Variants in GTF2H1 observed in about 807,000 individuals in gnomAD.
The protein encoded by GTF2H1 is general transcription factor IIH subunit 1, also known as BTF2 p62.
GTF2H1 carries 16 observed loss-of-function variants against 71.2 expected under a neutral mutation model. The ratio of observed to expected loss-of-function variants is 0.22; its 90% CI spans 0.15 to 0.34. The LOEUF (loss-of-function observed/expected upper bound fraction) is 0.34, where lower values mean the gene tolerates loss of function less well. Ranked by LOEUF, GTF2H1 falls within the 10% of genes least tolerant of loss-of-function variation. GTF2H1 has a pLI of 1.00. For missense variants in GTF2H1, 498 were observed against 648.2 expected (o/e 0.77, Z 2.52); for synonymous variants, 215 against 219.0 (o/e 0.98, Z 0.16).
intron 1 of GTF2H1, among the ~76,000 whole-genome samples, chr11:18,325,524 C>G (rs1004061551): frequency 6.6e-6 from 1 of 152,112 alleles, no homozygotes; most frequent in African/African-American, 2.4e-5. Flanking sequence ...ACAGAGAACC[C>G]GACATATATG....
rs764488674 is a variant in GTF2H1, at chr11:18,358,535, A to G, written c.1362A>G (p.Pro454=). The change falls in exon 13 of 15, where the codon CCA becomes CCG. Residue 454 remains proline (P), a synonymous_variant. Coordinates refer to ENST00000265963, the MANE Select transcript of GTF2H1 (RefSeq NM_005316.4). ...GTTCTTCTTTTGCAGAGATGGTGCC[A>G]AATGATATTCAATCTGAATTGAAAC... ...GTQQAINQMV[P]NDIQSELKHL... 5.6e-6 allele frequency: 9 copies of G among 1,597,102 alleles called. No homozygotes were observed. The highest frequency in any genetic ancestry group is 7.7e-6 in the Non-Finnish European group (9 of 1,164,732).
rs1865606102 is a variant in GTF2H1 at position 18,358,132 on chromosome 11, C to T, written c.1351+90C>T. The T allele has an allele frequency of 8.6e-6, 7 of 815,026 alleles. No homozygotes were observed. The Admixed American group carries it at 9.3e-5, about 11-fold the overall frequency. The allele number at this position is 815,026 out of a possible 1,614,324, so 50.5% of individuals were successfully genotyped here. On this transcript the variant is annotated intron_variant, in intron 12 of 14. Transcript: ENST00000265963. The stretch of plus-strand genomic sequence containing the variant: ...AGTGCTGAACTTTTATTGGTTTTTC[C>T]TTGGAATAATCCTGGGATTTCTATT...
chr11:18,352,754 G>C (rs911905829), intron 11 of GTF2H1, among the ~76,000 whole-genome samples: 15 of 151,502 alleles, frequency 9.9e-5, no homozygotes, highest in Admixed American at 2.6e-4. Context: ...TGAATATTCT[G>C]CATGACTCAG....
chr11:18,360,583 C>G (rs757149084), intron 13 of GTF2H1, 32 bp from the exon 14 acceptor site: 2 of 1,038,212 alleles, frequency 1.9e-6, no homozygotes, highest in South Asian at 3.0e-5. Context: ...CTTGAGATTT[C>G]TCTGTAATTT....
intron 5 of GTF2H1, 120 bp from the exon 6 acceptor site, chr11:18,341,141 T>A: frequency 1.5e-6 from 1 of 676,336 alleles, no homozygotes; most frequent in East Asian, 2.7e-5. Flanking sequence ...TTATAACTTA[T>A]AGTATGTAGA....
Position 18,352,400 on chromosome 11 carries a change from A to G in GTF2H1, c.1214A>G (p.Gln405Arg), listed in dbSNP as rs1329928093. The change falls in exon 11 of 15, where the codon CAA becomes CGA. Residue 405 changes from glutamine to arginine, a missense_variant. Coordinates refer to ENST00000265963, the MANE Select transcript of GTF2H1 (RefSeq NM_005316.4). ...ATSQDIINSF[Q>R]SIRQEMEAYT... ...AGTCAGGACATTATTAATTCTTTTCAAAGTATTAGACAAGAAATGGAAGCT... is the reference window on the plus strand; with the variant it reads ...AGTCAGGACATTATTAATTCTTTTCGAAGTATTAGACAAGAAATGGAAGCT... 8 of 1,577,058 alleles carry G rather than the reference A, an allele frequency of 5.1e-6. No individual in the cohort carries two copies. The highest frequency in any genetic ancestry group is 1.7e-6 in the Non-Finnish European group (2 of 1,146,616).
intron 14 of GTF2H1, 83 bp from the exon 15 acceptor site, chr11:18,365,700 T>C (rs960063347): frequency 2.2e-5 from 19 of 881,708 alleles, no homozygotes; most frequent in Non-Finnish European, 3.1e-5. Context: ...AACTACACTC[T>C]GAAGTGTGTG....
chr11:18,328,249 G>A (rs527623514), intron 1 of GTF2H1, among the ~76,000 whole-genome samples: 87 of 147,192 alleles, frequency 5.9e-4, no homozygotes, highest in Non-Finnish European at 1.1e-3. Context: ...TGTGGCTAAC[G>A]CCTGTAATCC....
intron 7 of GTF2H1, among the ~76,000 whole-genome samples, chr11:18,342,155 C>T (rs1340625013): frequency 6.6e-6 from 1 of 151,836 alleles, no homozygotes; most frequent in African/African-American, 2.4e-5. Flanking sequence ...AATTTTATCA[C>T]TGCCTCTGTC....
chr11:18,353,712 GACTT>G (rs1447492780), intron 11 of GTF2H1, among the ~76,000 whole-genome samples: 1 of 152,094 alleles, frequency 6.6e-6, no homozygotes, highest in Admixed American at 6.6e-5. Context: ...CACACATCAA[GACTT>G]ACTTTTTTAC....
At chr11:18,345,774 C>A (rs1865278109) in intron 7 of GTF2H1, among the ~76,000 whole-genome samples, 1 of 150,172 alleles carries the variant, frequency 6.7e-6, no homozygotes, top group Non-Finnish European at 1.5e-5. Flanking sequence ...CAGGCGTGAG[C>A]CACCACACCC....
Position 18,341,293 on chromosome 11 carries a change from A to T in GTF2H1, c.640A>T (p.Asn214Tyr), listed in dbSNP as rs1248292319. ...GAAATATGCAGAAAATGTTCCCCAC[A>T]ACATGACAGAGAAGGAATTCTGGAC... ...KMKYAENVPHNMTEKEFWTRF... is the reference protein window; with the variant it reads ...KMKYAENVPHYMTEKEFWTRF... Residue 214 changes from asparagine to tyrosine, a missense_variant, in exon 6 of 15, where the codon AAC (asparagine) becomes TAC (tyrosine). This residue lies in a region of GTF2H1 where 216 missense variants were observed against 306.2 expected (regional missense o/e 0.71). Coordinates refer to ENST00000265963, the MANE Select transcript of GTF2H1 (RefSeq NM_005316.4). 1.2e-6 allele frequency: 2 copies of T among 1,613,576 alleles called. No individual in the cohort carries two copies. Among genetic ancestry groups the T allele is most frequent in the Non-Finnish European group, 1.7e-6 (2 of 1,179,860 alleles).
At chr11:18,354,302 T>A (rs1400632001) in intron 11 of GTF2H1, among the ~76,000 whole-genome samples, 1 of 152,246 alleles carries the variant, frequency 6.6e-6, no homozygotes, top group African/African-American at 2.4e-5. Context: ...TGGTTAAAGG[T>A]AGTATTTGCC....
intron 11 of GTF2H1, among the ~76,000 whole-genome samples, chr11:18,352,830 A>G (rs1260778773): frequency 3.3e-5 from 5 of 152,208 alleles, no homozygotes; most frequent in Non-Finnish European, 7.3e-5. Flanking sequence ...TTGATCAGCA[A>G]TTTGTCAGTT....
intron 11 of GTF2H1, among the ~76,000 whole-genome samples, chr11:18,354,742 T>C (rs1041085579): frequency 2.6e-5 from 4 of 152,200 alleles, no homozygotes; most frequent in African/African-American, 9.6e-5. Context: ...CTGTTTGTTA[T>C]TTATATCAGC....
intron 9 of GTF2H1, among the ~76,000 whole-genome samples, chr11:18,349,689 A>G (rs922345596): frequency 1.3e-5 from 2 of 151,860 alleles, no homozygotes; most frequent in African/African-American, 4.9e-5. Context: ...TCTCAAAGAA[A>G]AAATAAAAAA....
intron 10 of GTF2H1, 40 bp from the exon 11 acceptor site, chr11:18,352,289 A>C: frequency 3.4e-6 from 3 of 887,630 alleles, no homozygotes; most frequent in Non-Finnish European, 3.8e-6. Flanking sequence ...GAGCATCTTT[A>C]CTGTGTGTGA....
At chr11:18,337,528 A>G (rs1865058277) in intron 3 of GTF2H1, among the ~76,000 whole-genome samples, 1 of 152,210 alleles carries the variant, frequency 6.6e-6, no homozygotes, top group Non-Finnish European at 1.5e-5. Flanking sequence ...ATGAAAGAGA[A>G]TACATTCAGC....
chr11:18,353,990 T>G (rs1403041160), intron 11 of GTF2H1, among the ~76,000 whole-genome samples: 1 of 152,246 alleles, frequency 6.6e-6, no homozygotes. Flanking sequence ...AAGAAAGCTT[T>G]TCTTGGTCCA....
Sources: allele counts gnomAD v4.1 joint callset (sites outside exome capture counted in the v4.1 genomes callset), GRCh38; gene constraint gnomAD v4.1.1; regional missense constraint gnomAD v4.1.1; transcripts MANE v1.5; gene names NCBI Gene and HGNC (gene_info 2026-07-23, HGNC 2026-07-21).